MYT1L: variants seen among roughly 807,000 people sequenced by gnomAD.
MYT1L encodes the protein myelin transcription factor 1 like.
A neutral mutation model predicts 126.7 loss-of-function variants in MYT1L; 12 were observed. The ratio of observed to expected loss-of-function variants is 0.09; its 90% CI spans 0.06 to 0.15. MYT1L has a LOEUF of 0.15. Ranked by LOEUF, MYT1L falls within the 10% of genes least tolerant of loss-of-function variation. The pLI, the probability that MYT1L is intolerant of heterozygous loss-of-function variation, is 1.00. For missense variants in MYT1L, 979 were observed against 1,585.2 expected (o/e 0.62, Z 6.49); for synonymous variants, 541 against 604.2 (o/e 0.90, Z 1.53).
rs150024516 is a variant in MYT1L at position 2,028,216 on chromosome 2, C to T, written c.-158+25762G>A. 4.2e-3 allele frequency among the ~76,000 whole-genome samples: 639 copies of T among 152,362 alleles called. 7 individuals carry two copies. Among genetic ancestry groups the T allele is most frequent in the African/African-American group, 0.015 (605 of 41,590 alleles). On this transcript the variant is annotated intron_variant, in intron 4 of 24. Coordinates refer to ENST00000647738, the MANE Select transcript of MYT1L (RefSeq NM_001303052.2). ...CTGGCACAGTGCTTGGTGCCAGCAC[C>T]GATCAGCTTGGTCAGGGAGTGAGCA... is the stretch of plus-strand genomic sequence containing the variant.
intron 2 of MYT1L, among the ~76,000 whole-genome samples, chr2:2,202,306 A>C (rs1413337655): frequency 1.3e-5 from 2 of 152,092 alleles, no homozygotes; most frequent in Non-Finnish European, 1.5e-5. Flanking sequence ...ACACAAAAAA[A>C]CCTTCAAAAA....
Position 2,326,139 on chromosome 2 carries a change from T to C in MYT1L, c.-521+4828A>G, listed in dbSNP as rs547296589. 3.3e-5 allele frequency: 5 copies of C among 152,392 alleles called. No homozygotes were observed. In the South Asian group the frequency reaches 1.0e-3, roughly 32 times the overall value. 9.4% of individuals were successfully genotyped at this position (152,392 alleles called of 1,614,324 possible). A position where few individuals can be genotyped will look rare whatever the true frequency, so the allele number is the denominator to read the frequency against. On this transcript the variant is annotated intron_variant, in intron 1 of 24. Coordinates refer to ENST00000647738, the MANE Select transcript of MYT1L (RefSeq NM_001303052.2). ...GCCGTGGAGAGACCATCGCACGTGCTGGTCACAGTTCCCTCTGTGTTTCCA... is the reference window on the plus strand; with the variant it reads ...GCCGTGGAGAGACCATCGCACGTGCCGGTCACAGTTCCCTCTGTGTTTCCA...
chr2:2,294,389 G>A (rs560203536), intron 1 of MYT1L, among the ~76,000 whole-genome samples: 1 of 152,144 alleles, frequency 6.6e-6, no homozygotes, highest in Non-Finnish European at 1.5e-5. Context: ...GGGGAAGAGA[G>A]TTGGCAAGGA....
intron 19 of MYT1L, among the ~76,000 whole-genome samples, chr2:1,847,536 A>G (rs1197334702): frequency 1.3e-5 from 2 of 152,188 alleles, no homozygotes; most frequent in African/African-American, 4.8e-5. Flanking sequence ...GGACCTGGAG[A>G]CTACAGGTGA....
chr2:1,993,261 C>T (rs968065711), intron 5 of MYT1L, among the ~76,000 whole-genome samples: 16 of 152,168 alleles, frequency 1.1e-4, no homozygotes, highest in Non-Finnish European at 1.8e-4. Context: ...GTTACATTAT[C>T]GGGTTGAAGT....
chr2:2,292,328 T>A (rs2095611804), intron 1 of MYT1L, among the ~76,000 whole-genome samples: 1 of 152,204 alleles, frequency 6.6e-6, no homozygotes, highest in African/African-American at 2.4e-5. Flanking sequence ...AGCAATTCTA[T>A]TCCCAAACGT....
At chr2:2,094,882 T>C (rs539831097) in intron 3 of MYT1L, among the ~76,000 whole-genome samples, 2 of 152,294 alleles carry the variant, frequency 1.3e-5, no homozygotes, top group Non-Finnish European at 2.9e-5. Context: ...GTAACTAACC[T>C]GCACGTTGTG....
Position 1,852,256 on chromosome 2 carries a change from C to T in MYT1L, c.2712-553G>A, listed in dbSNP as rs1014942447. Among the ~76,000 whole-genome samples, 2 of 152,086 alleles carry T rather than the reference C, an allele frequency of 1.3e-5. No homozygotes were observed. The highest frequency in any genetic ancestry group is 1.9e-4 in the East Asian group (1 of 5,186). ...GCATCTGGACCATGGGAATGCAGGC[C>T]GACTGTCTTTCCGATGACCACTGTG... On this transcript the variant is annotated intron_variant, in intron 18 of 24. Transcript: ENST00000647738. This position sits in a 1 kb window ranked among gnomAD's most constrained non-coding sequence, Gnocchi z 4.0.
At chr2:2,032,930 C>T (rs1333341211) in intron 4 of MYT1L, among the ~76,000 whole-genome samples, 1 of 147,162 alleles carries the variant, frequency 6.8e-6, no homozygotes, top group Admixed American at 6.8e-5. Context: ...TTATACACAC[C>T]CCTCGCCAGT....
intron 5 of MYT1L, among the ~76,000 whole-genome samples, chr2:1,984,187 A>G (rs1292351954): frequency 1.3e-5 from 2 of 152,046 alleles, no homozygotes; most frequent in Admixed American, 6.6e-5. Context: ...GCTTTCCTCA[A>G]GTTGAGCCTC....
At chr2:2,039,139 C>T (rs1321202014) in intron 4 of MYT1L, among the ~76,000 whole-genome samples, 2 of 152,172 alleles carry the variant, frequency 1.3e-5, no homozygotes, top group African/African-American at 4.8e-5. Flanking sequence ...CGCATTTTCC[C>T]CAATATTGAT....
Position 1,912,070 on chromosome 2 carries a change from C to T in MYT1L, c.1659G>A (p.Pro553=), listed in dbSNP as rs747015913. 2.9e-5 allele frequency: 47 copies of T among 1,594,604 alleles called. No homozygotes were observed. The highest frequency in any genetic ancestry group is 1.1e-4 in the African/African-American group (8 of 74,610). The change falls in exon 12 of 25, where the codon CCG becomes CCA. Residue 553 remains proline, a synonymous_variant. Coordinates refer to ENST00000647738, the MANE Select transcript of MYT1L (RefSeq NM_001303052.2). This position sits in a 1 kb window ranked among gnomAD's most constrained non-coding sequence, Gnocchi z 4.3. ...MHESVLKCPT[P]GCTGRGHVNS... ...TGACATGCCCGCGCCCCGTGCAGCCCGGAGTGGGGCACTTGAGGACACTTT... is the reference window on the plus strand; with the variant it reads ...TGACATGCCCGCGCCCCGTGCAGCCTGGAGTGGGGCACTTGAGGACACTTT...
chr2:2,244,078 T>C (rs2094486926), intron 2 of MYT1L, among the ~76,000 whole-genome samples: 1 of 152,222 alleles, frequency 6.6e-6, no homozygotes, highest in South Asian at 2.1e-4. Flanking sequence ...CAAATATGTT[T>C]CTATTTCGAT....
At chr2:2,043,484 C>T (rs1032648082) in intron 4 of MYT1L, among the ~76,000 whole-genome samples, 6 of 152,182 alleles carry the variant, frequency 3.9e-5, no homozygotes, top group African/African-American at 7.2e-5. Context: ...TTACATTATT[C>T]CAAGTTCATA....
chr2:2,133,790 C>G (rs2148054740), intron 3 of MYT1L, among the ~76,000 whole-genome samples: 2 of 152,296 alleles, frequency 1.3e-5, no homozygotes, highest in Middle Eastern at 3.4e-3. Context: ...GTCATGTGCC[C>G]TCCTTCCCCA....
chr2:1,902,744 A>G (rs1325362365), intron 14 of MYT1L: 3 of 302,474 alleles, frequency 9.9e-6, no homozygotes, highest in Non-Finnish European at 1.9e-5. Flanking sequence ...TATTTAAAGG[A>G]AGCGTATAAC....
At chr2:2,182,663 A>C (rs79469481) in intron 2 of MYT1L, among the ~76,000 whole-genome samples, 2 of 152,274 alleles carry the variant, frequency 1.3e-5, no homozygotes, top group East Asian at 3.9e-4. Flanking sequence ...CTTTGCAGCT[A>C]ACCAGAAAGG....
At chr2:2,058,024 G>A (rs1472929513) in intron 3 of MYT1L, among the ~76,000 whole-genome samples, 1 of 152,178 alleles carries the variant, frequency 6.6e-6, no homozygotes, top group Non-Finnish European at 1.5e-5. Context: ...CCAAACTGGT[G>A]TGAGTGGCTA....
At chr2:2,248,788 T>C (rs994098386) in intron 2 of MYT1L, among the ~76,000 whole-genome samples, 2 of 152,132 alleles carry the variant, frequency 1.3e-5, no homozygotes. Flanking sequence ...ATCATTTCAA[T>C]TGATGCTGAA....
Sources: allele counts gnomAD v4.1 joint callset (sites outside exome capture counted in the v4.1 genomes callset), GRCh38; gene constraint gnomAD v4.1.1; non-coding constraint Gnocchi (gnomAD v3.1); transcripts MANE v1.5; gene names NCBI Gene and HGNC (gene_info 2026-07-23, HGNC 2026-07-21).